Variants in C1RL observed in about 807,000 individuals in gnomAD.
C1RL encodes complement C1r subcomponent like, also known as complement C1r subcomponent-like protein.
Under a neutral mutation model 27.9 loss-of-function variants are expected in C1RL, and 27 were observed. The ratio of observed to expected loss-of-function variants is 0.97; its 90% confidence interval spans 0.71 to 1.33. C1RL has a LOEUF of 1.33. C1RL is among the 40% of genes most tolerant of loss of function. The pLI, the probability that C1RL is intolerant of heterozygous loss-of-function variation, is 0.00. For synonymous variants in C1RL, 248 were observed against 252.1 expected (o/e 0.98, Z 0.15); for missense variants, 563 against 623.9 (o/e 0.90, Z 1.04).
intron 3 of C1RL, 35 bp downstream of exon 3, chr12:7,101,863 G>A (rs1282061794): frequency 6.2e-7 from 1 of 1,603,262 alleles, no homozygotes; most frequent in Non-Finnish European, 8.5e-7. Context: ...TGGGAACAGA[G>A]GCTCCCTCCC....
Position 7,102,038 on chromosome 12 carries a change from G to C in C1RL, c.350C>G (p.Ser117Cys). ...CTGACCAGGGGGCCTGCCCAGAGGG[G>C]AGCCTTGCTGACCACAGAACTGGCT... ...DPSQFCGQQG[S>C]PLGRPPGQRE... Residue 117 changes from serine (S) to cysteine (C), a missense_variant, in exon 3 of 6, where the codon TCC becomes TGC. Ser to Cys is a moderately radical substitution (Grantham distance 112). Transcript: ENST00000266542. 1 of 1,613,842 alleles carries C rather than the reference G, an allele frequency of 6.2e-7. No individual in the cohort carries two copies. The highest frequency in any genetic ancestry group is 8.5e-7 in the Non-Finnish European group (1 of 1,179,726).
rs747136912 is a variant in C1RL, at chr12:7,108,337, T to C, written c.214A>G (p.Lys72Glu). Reference sequence around the variant, plus strand: ...CTCACAGCAAAGCCCTCTGGAGCCTTGATGTCCGTGCTGCTCTCTTGGCCT... The same window carrying C: ...CTCACAGCAAAGCCCTCTGGAGCCTCGATGTCCGTGCTGCTCTCTTGGCCT... Reference protein sequence around the residue: ...GKGQESSTDIKAPEGFAVRLV... With the variant: ...GKGQESSTDIEAPEGFAVRLV... Residue 72 changes from lysine to glutamate, a missense_variant, in exon 2 of 6, where the codon AAG becomes GAG. By Grantham distance (56) the Lys-to-Glu change is moderately conservative. Coordinates refer to ENST00000266542, the MANE Select transcript of C1RL (RefSeq NM_016546.4). The C allele has an allele frequency of 1.5e-5, 25 of 1,614,112 alleles. No individual in the cohort carries two copies. Among genetic ancestry groups the C allele is most frequent in the Non-Finnish European group, 2.1e-5 (25 of 1,180,046 alleles).
rs200855206 is a variant in C1RL, at chr12:7,096,828, G to C, written c.1027C>G (p.Leu343Val). The C allele has an allele frequency of 3.7e-5, 59 of 1,604,600 alleles. No individual in the cohort carries two copies. The African/African-American group carries it at 6.8e-4, about 19-fold the overall frequency. Residue 343 changes from leucine to valine, a missense_variant, in exon 6 of 6, where the codon CTG (leucine) becomes GTG (valine). Physicochemically the swap from Leu to Val is conservative, Grantham distance 32 (BLOSUM62 1). Coordinates refer to ENST00000266542, the MANE Select transcript of C1RL (RefSeq NM_016546.4). ...SHNFSGDIAL[L>V]ELQHSIPLGP... Reference sequence around the variant, plus strand: ...AGGGGGATGCTGTGCTGCAGCTCCAGGAGGGCGATGTCCCCGCTAAAGTTA... The same window carrying C: ...AGGGGGATGCTGTGCTGCAGCTCCACGAGGGCGATGTCCCCGCTAAAGTTA...
chr12:7,108,524 C>A (rs745696237), intron 1 of C1RL, 45 bp from the exon 2 acceptor site: 3 of 1,490,986 alleles, frequency 2.0e-6, no homozygotes, highest in Non-Finnish European at 2.7e-6. Flanking sequence ...CAGCTATGGC[C>A]GGAAGCCTGT....
chr12:7,099,510 A>T, intron 5 of C1RL, 176 bp downstream of exon 5: 1 of 969,088 alleles, frequency 1.0e-6, no homozygotes, highest in Non-Finnish European at 1.2e-6. Flanking sequence ...CTGAAGAATG[A>T]GGAACAAGCT....
chr12:7,102,182 C>T, intron 2 of C1RL, 95 bp from the exon 3 acceptor site: 1 of 1,321,008 alleles, frequency 7.6e-7, no homozygotes, highest in Non-Finnish European at 1.1e-6. Flanking sequence ...GACTCCTGCC[C>T]CATCTAGACG....
intron 5 of C1RL, among the ~76,000 whole-genome samples, chr12:7,098,869 T>C (rs10840704): frequency 0.17 from 25,839 of 151,936 alleles, 2,474 homozygotes; most frequent in East Asian, 0.42. Flanking sequence ...CACAACATTG[T>C]GAACACACTA....
intron 2 of C1RL, among the ~76,000 whole-genome samples, chr12:7,105,235 A>C (rs1182431623): frequency 6.6e-6 from 1 of 151,498 alleles, no homozygotes; most frequent in Non-Finnish European, 1.5e-5. Context: ...AGCTATCCAC[A>C]CAGAACTTCC....
chr12:7,106,491 G>T (rs1018947054), intron 2 of C1RL, among the ~76,000 whole-genome samples: 6 of 152,188 alleles, frequency 3.9e-5, no homozygotes, highest in African/African-American at 1.2e-4. Flanking sequence ...CCCAGAAAGA[G>T]GGAGAAGAGA....
chr12:7,100,112 G>A, intron 3 of C1RL, 86 bp from the exon 4 acceptor site: 12 of 1,315,260 alleles, frequency 9.1e-6, no homozygotes, highest in South Asian at 1.4e-5. Context: ...GGTTTGACTT[G>A]CACAGTGTTT....
rs182889973 is a variant in C1RL at position 7,094,692 on chromosome 12, C to T, written c.*1699G>A. The T allele has an allele frequency of 1.0e-6, 1 of 980,954 alleles. No individual in the cohort carries two copies. Among genetic ancestry groups the T allele is most frequent in the African/African-American group, 1.8e-5 (1 of 57,098 alleles). The allele number at this position is 980,954 out of a possible 1,614,324, so 60.8% of individuals were successfully genotyped here. A position where few individuals can be genotyped will look rare whatever the true frequency, so the allele number is the denominator to read the frequency against. ...TAGCCAATAGAGAATAGTGGAAAACCAAACAGCCAAAATCTTATCAATAAA... is the reference window on the plus strand; with the variant it reads ...TAGCCAATAGAGAATAGTGGAAAACTAAACAGCCAAAATCTTATCAATAAA... On this transcript the variant is annotated 3_prime_UTR_variant, in exon 6 of 6. Transcript: ENST00000266542.
intron 3 of C1RL, among the ~76,000 whole-genome samples, chr12:7,100,890 G>A (rs887410308): frequency 5.3e-5 from 8 of 152,008 alleles, no homozygotes; most frequent in Non-Finnish European, 1.0e-4. Flanking sequence ...AAAATACCAC[G>A]TTTAGAACAC....
intron 4 of C1RL, 66 bp from the exon 5 acceptor site, chr12:7,099,826 G>A: frequency 6.2e-7 from 1 of 1,612,954 alleles, no homozygotes; most frequent in Admixed American, 1.7e-5. Context: ...TAACGAAGCA[G>A]GTGCTCAGAG....
chr12:7,108,106 C>T, intron 2 of C1RL, 145 bp downstream of exon 2: 1 of 638,624 alleles, frequency 1.6e-6, no homozygotes, highest in Non-Finnish European at 2.5e-6. Flanking sequence ...TCCACCACTG[C>T]TCCCCGGTAA....
At chr12:7,099,558 G>C (rs2135755403) in intron 5 of C1RL, 128 bp downstream of exon 5, 1 of 1,438,200 alleles carries the variant, frequency 7.0e-7, no homozygotes, top group Non-Finnish European at 9.3e-7. Flanking sequence ...TGATTGCCCT[G>C]TTCTTCCTCA....
In C1RL at chr12:7,104,190, C is replaced by G. The variant is rs1219870404; in HGVS notation, c.301-2103G>C. ...GGGAAGTTTTAAAAATTGGGGGAAT[C>G]AAGATAGGGATGAGGGAAGGGCTGG... On this transcript the variant is annotated intron_variant, in intron 2 of 5. Coordinates refer to ENST00000266542, the MANE Select transcript of C1RL (RefSeq NM_016546.4). The surrounding 1 kb of genome is among the most constrained non-coding windows in gnomAD (Gnocchi z 5.4). Among the ~76,000 whole-genome samples, 1 of 152,110 alleles carries G rather than the reference C, an allele frequency of 6.6e-6. No individual in the cohort carries two copies. The highest frequency in any genetic ancestry group is 1.5e-5 in the Non-Finnish European group (1 of 68,032).
In C1RL at chr12:7,099,948, T is replaced by C. The variant is rs199780901; in HGVS notation, c.569A>G (p.Lys190Arg). 142 of 1,613,974 alleles carry C rather than the reference T, an allele frequency of 8.8e-5. No individual in the cohort carries two copies. The highest frequency in any genetic ancestry group is 8.5e-6 in the Non-Finnish European group (10 of 1,180,026). The change falls in exon 4 of 6, where the codon AAG becomes AGG. Residue 190 changes from lysine to arginine, a missense_variant. Transcript: ENST00000266542. ...AINAPGDNPA[K>R]VQNHCQEPYY... ...GGGCTCCTGGCAGTGGTTCTGGACC[T>C]TGGCAGGGTTGTCTCCAGGTGCGTT...
chr12:7,107,829 C>T (rs1274641872), intron 2 of C1RL, among the ~76,000 whole-genome samples: 1 of 152,232 alleles, frequency 6.6e-6, no homozygotes, highest in Admixed American at 6.5e-5. Flanking sequence ...TGTAATAGCT[C>T]TTCCAAGGTA....
At chr12:7,105,176 G>A (rs978115001) in intron 2 of C1RL, among the ~76,000 whole-genome samples, 1 of 152,128 alleles carries the variant, frequency 6.6e-6, no homozygotes, top group Non-Finnish European at 1.5e-5. Flanking sequence ...GCACATCTAG[G>A]TCACCTTGTC....
Sources: gnomAD v4.1 joint callset for allele counts (sites outside exome capture counted in the v4.1 genomes callset) on GRCh38, gnomAD v4.1.1 for gene constraint, Gnocchi (gnomAD v3.1) non-coding constraint, MANE v1.5 for transcripts, NCBI Gene and HGNC (gene_info 2026-07-23, HGNC 2026-07-21) for gene names.